The following CDKAL1 variants were observed in gnomAD, a reference collection of about 807,000 sequenced individuals.
CDKAL1 encodes threonylcarbamoyladenosine tRNA methylthiotransferase.
A neutral mutation model predicts 68.2 loss-of-function variants in CDKAL1; 32 were observed. The observed-to-expected ratio is 0.47, with a 90% confidence interval of 0.35 to 0.63. CDKAL1 has a LOEUF of 0.63. CDKAL1 is among the 30% of genes least tolerant of loss of function. The pLI is 0.00. For missense variants in CDKAL1, 606 were observed against 696.7 expected (o/e 0.87, Z 1.47); for synonymous variants, 234 against 244.3 (o/e 0.96, Z 0.39).
chr6:21,216,532 C>T (rs1779344602), intron 15 of CDKAL1, among the ~76,000 whole-genome samples: 1 of 152,048 alleles, frequency 6.6e-6, no homozygotes. Context: ...CATCTATTTT[C>T]CACATTGACC....
chr6:21,007,624 G>A (rs1296353475), intron 11 of CDKAL1, among the ~76,000 whole-genome samples: 1 of 151,496 alleles, frequency 6.6e-6, no homozygotes, highest in East Asian at 1.9e-4. Context: ...TATCGGTTAT[G>A]TGTCCAGACT....
chr6:20,920,798 A>G (rs1015684587), intron 9 of CDKAL1, among the ~76,000 whole-genome samples: 1 of 152,176 alleles, frequency 6.6e-6, no homozygotes, highest in Admixed American at 6.5e-5. Context: ...AGTTTAGTAG[A>G]CTGATTGGCA....
chr6:20,670,183 A>AT (rs1255660652), intron 5 of CDKAL1, among the ~76,000 whole-genome samples: 1 of 152,186 alleles, frequency 6.6e-6, no homozygotes, highest in Admixed American at 6.5e-5. Context: ...TGAAAAAGAA[A>AT]TTTTACTAAC....
intron 14 of CDKAL1, 109 bp from the exon 15 acceptor site, chr6:21,201,001 A>T: frequency 1.0e-6 from 1 of 958,082 alleles, no homozygotes. Flanking sequence ...GGAGTTAGGT[A>T]TACAGGAGCT....
chr6:20,639,098 T>C (rs1768042989), intron 4 of CDKAL1, among the ~76,000 whole-genome samples: 1 of 152,176 alleles, frequency 6.6e-6, no homozygotes, highest in South Asian at 2.1e-4. Flanking sequence ...TACTTAGCTA[T>C]GGGGTAATAG....
intron 9 of CDKAL1, among the ~76,000 whole-genome samples, chr6:20,898,406 A>G (rs1761802914): frequency 6.7e-6 from 1 of 148,218 alleles, no homozygotes; most frequent in African/African-American, 2.5e-5. Flanking sequence ...TCTGAATGAG[A>G]TGTGTAGGCA....
intron 5 of CDKAL1, among the ~76,000 whole-genome samples, chr6:20,687,943 T>A (rs1175364010): frequency 6.6e-6 from 1 of 152,202 alleles, no homozygotes; most frequent in Non-Finnish European, 1.5e-5. Context: ...TTTTTGTTTG[T>A]TTGAGAAAGT....
At chr6:21,129,463 A>G (rs1242649320) in intron 13 of CDKAL1, among the ~76,000 whole-genome samples, 2 of 152,094 alleles carry the variant, frequency 1.3e-5, no homozygotes, top group Non-Finnish European at 2.9e-5. Context: ...TGAGTAGAAA[A>G]AAAGCCTATG....
At chr6:20,908,743 G>A (rs1273217750) in intron 9 of CDKAL1, among the ~76,000 whole-genome samples, 2 of 152,194 alleles carry the variant, frequency 1.3e-5, no homozygotes, top group East Asian at 1.9e-4. Context: ...TGAATAGACT[G>A]CATTACATAT....
At chr6:20,841,893 T>C (rs565558715) in intron 8 of CDKAL1, among the ~76,000 whole-genome samples, 38 of 152,374 alleles carry the variant, frequency 2.5e-4, no homozygotes, top group Admixed American at 6.5e-4. Context: ...GTAGGTATTG[T>C]GTGCTAGCTT....
intron 9 of CDKAL1, among the ~76,000 whole-genome samples, chr6:20,848,287 T>TTGTTTGTTTGTTTG (rs1758793675): frequency 5.1e-5 from 3 of 59,288 alleles, no homozygotes; most frequent in Admixed American, 1.8e-4. Context: ...TTGTTTTTTT[T>TTGTTTGTTTGTTTG]TTTTTTCCAA....
chr6:20,845,933 G>C, intron 8 of CDKAL1, 142 bp from the exon 9 acceptor site: 2 of 509,104 alleles, frequency 3.9e-6, no homozygotes, highest in Non-Finnish European at 6.8e-6. Context: ...AGGCATGGTA[G>C]ATACTTGGTT....
chr6:20,781,140 T>C lies in CDKAL1; in HGVS notation c.518-5T>C, dbSNP rs1188979445. On this transcript the variant is annotated splice_polypyrimidine_tract_variant and splice_region_variant and intron_variant, in intron 7 of 15. Coordinates refer to ENST00000274695, the MANE Select transcript of CDKAL1 (RefSeq NM_017774.3). ...CTAATGTATATTTATGTGCTTGATTTGAAGGTCACTCTGTGAGACTGCTGG... is the reference window on the plus strand; with the variant it reads ...CTAATGTATATTTATGTGCTTGATTCGAAGGTCACTCTGTGAGACTGCTGG... 6.2e-7 allele frequency: 1 copy of C among 1,612,158 alleles called. No individual in the cohort carries two copies. The highest frequency in any genetic ancestry group is 8.5e-7 in the Non-Finnish European group (1 of 1,179,520).
At chr6:20,756,781 G>C (rs1774190631) in intron 6 of CDKAL1, 1 of 150,446 alleles carries the variant, frequency 6.6e-6, no homozygotes, top group Non-Finnish European at 1.5e-5. Context: ...GAGACCAAAG[G>C]AATATTTTTA....
rs35042364 is a variant in CDKAL1, at chr6:20,666,688, C to CTTT, written c.371+17326_371+17328dup. Among the ~76,000 whole-genome samples, 1,306 of 135,816 alleles carry CTTT rather than the reference C, an allele frequency of 9.6e-3. 22 individuals carry two copies. The highest frequency in any genetic ancestry group is 0.027 in the African/African-American group (970 of 36,146). The allele number at this position is 135,816 out of a possible 152,430, so 89.1% of individuals were successfully genotyped here. On this transcript the variant is annotated intron_variant, in intron 5 of 15. Transcript: ENST00000274695. ...ATCGCCCGCTGCATTCCAAAGAATCCTTTTTTTTTTTTTTTTTGACTTATT... is the reference window on the plus strand; with the variant it reads ...ATCGCCCGCTGCATTCCAAAGAATCCTTTTTTTTTTTTTTTTTTTTGACTTATT...
chr6:20,992,176 C>T (rs1317482061), intron 10 of CDKAL1, among the ~76,000 whole-genome samples: 1 of 144,666 alleles, frequency 6.9e-6, no homozygotes, highest in Non-Finnish European at 1.5e-5. Context: ...TACAGGCACA[C>T]GTGACCATAG....
intron 10 of CDKAL1, among the ~76,000 whole-genome samples, chr6:20,969,823 T>C (rs1015743502): frequency 6.6e-6 from 1 of 152,200 alleles, no homozygotes; most frequent in Non-Finnish European, 1.5e-5. Context: ...TATTTGGTTC[T>C]CAGCATGTGC....
chr6:20,995,143 G>A (rs1377724405), intron 10 of CDKAL1, among the ~76,000 whole-genome samples: 2 of 152,198 alleles, frequency 1.3e-5, no homozygotes, highest in East Asian at 1.9e-4. Context: ...GGCTCCACTT[G>A]TAATTCTAGT....
intron 5 of CDKAL1, among the ~76,000 whole-genome samples, chr6:20,678,973 T>C (rs571730600): frequency 3.7e-4 from 57 of 152,298 alleles, no homozygotes; most frequent in African/African-American, 1.3e-3. Context: ...GGCATGGTTG[T>C]AGTTCATTGT....
Sources: allele counts gnomAD v4.1 joint callset (sites outside exome capture counted in the v4.1 genomes callset), GRCh38; gene constraint gnomAD v4.1.1; transcripts MANE v1.5; gene names NCBI Gene and HGNC (gene_info 2026-07-23, HGNC 2026-07-21).